Variants in ANKRD18B observed in about 807,000 individuals in gnomAD.
ANKRD18B encodes the protein ankyrin repeat domain-containing protein 18B.
Under a neutral mutation model 111.8 loss-of-function variants are expected in ANKRD18B, and 75 were observed. The observed-to-expected ratio is 0.67, with a 90% CI of 0.56 to 0.81. The LOEUF is 0.81. ANKRD18B is among the 40% of genes least tolerant of loss of function. ANKRD18B has a pLI of 0.00. For synonymous variants in ANKRD18B, 356 were observed against 417.3 expected (o/e 0.85, Z 1.79); for missense variants, 1,038 against 1,225.5 (o/e 0.85, Z 2.28).
At chr9:33,556,583 G>T (rs1828530500) in intron 13 of ANKRD18B, among the ~76,000 whole-genome samples, 1 of 152,164 alleles carries the variant, frequency 6.6e-6, no homozygotes, top group South Asian at 2.1e-4. Context: ...AAACAATAAT[G>T]ACAATGCTTT....
chr9:33,561,223 G>A (rs1201863013), intron 14 of ANKRD18B, among the ~76,000 whole-genome samples: 1 of 152,166 alleles, frequency 6.6e-6, no homozygotes, highest in African/African-American at 2.4e-5. Context: ...ATTGAACAAA[G>A]ATTTGGTCCT....
intron 3 of ANKRD18B, among the ~76,000 whole-genome samples, chr9:33,532,022 C>T (rs1016356985): frequency 6.6e-6 from 1 of 152,214 alleles, no homozygotes; most frequent in East Asian, 1.9e-4. Flanking sequence ...ATCACGAGGT[C>T]AGGAGATGGA....
rs765841785 is a variant in ANKRD18B, at chr9:33,558,166, G to A, written c.2439G>A (p.Leu813=). The A allele has an allele frequency of 8.7e-6, 14 of 1,609,354 alleles. No homozygotes were observed. Among genetic ancestry groups the A allele is most frequent in the Middle Eastern group, 1.7e-4 (1 of 6,050 alleles). ...CAGACCAACTGAAAATGGATATTCT[G>A]TTTAAGAAGCTAAAACAGAAGGTAA... ...LNTDQLKMDI[L]FKKLKQKFDD... Residue 813 remains leucine, a synonymous_variant, in exon 14 of 19, where the codon CTG becomes CTA. Transcript: ENST00000684830.
At chr9:33,533,286 G>A (rs1309850193) in intron 3 of ANKRD18B, among the ~76,000 whole-genome samples, 153 bp from the exon 4 acceptor site, 2 of 152,208 alleles carry the variant, frequency 1.3e-5, no homozygotes, top group African/African-American at 2.4e-5. Flanking sequence ...CAGTGTGTGG[G>A]AAAGCACAGA....
intron 3 of ANKRD18B, among the ~76,000 whole-genome samples, chr9:33,529,453 G>C (rs1273898303): frequency 1.3e-5 from 2 of 151,946 alleles, no homozygotes; most frequent in African/African-American, 4.8e-5. Context: ...TTTCTAATTA[G>C]TGTGAAAACA....
In ANKRD18B at chr9:33,536,875, T is replaced by C. The variant is rs550051460; in HGVS notation, c.741-3T>C. On this transcript the variant is annotated splice_region_variant and splice_polypyrimidine_tract_variant and intron_variant, in intron 5 of 18. Coordinates refer to ENST00000684830, the MANE Select transcript of ANKRD18B (RefSeq NM_001393611.1). ...CTAATTTTATTACATTTATTATGCA[T>C]AGCATCCAACAACAAATTTTGGAAC... 5 of 1,459,780 alleles carry C rather than the reference T, an allele frequency of 3.4e-6. No homozygotes were observed. In the East Asian group the frequency reaches 1.3e-4, roughly 38 times the overall value. The allele number at this position is 1,459,780 out of a possible 1,614,324, so 90.4% of individuals were successfully genotyped here. A position where few individuals can be genotyped will look rare whatever the true frequency, so the allele number is the denominator to read the frequency against.
intron 1 of ANKRD18B, among the ~76,000 whole-genome samples, chr9:33,527,109 T>C (rs188397830): frequency 6.6e-6 from 1 of 152,290 alleles, no homozygotes; most frequent in African/African-American, 2.4e-5. Context: ...CTCCCACCTT[T>C]CAAGCAAAAG....
At chr9:33,534,037 G>T (rs574891885) in intron 4 of ANKRD18B, among the ~76,000 whole-genome samples, 1 of 152,080 alleles carries the variant, frequency 6.6e-6, no homozygotes, top group South Asian at 2.1e-4. Flanking sequence ...GAAAGCAATG[G>T]GAAAATCTTC....
chr9:33,556,645 C>T (rs1828531541), intron 13 of ANKRD18B, among the ~76,000 whole-genome samples: 1 of 152,158 alleles, frequency 6.6e-6, no homozygotes, highest in Non-Finnish European at 1.5e-5. Context: ...ATTTTTATTT[C>T]TGAAGATATT....
downstream of ANKRD18B, among the ~76,000 whole-genome samples, chr9:33,574,177 CAGGTCAGTGGGAAAT>C (rs1828825580): frequency 1.1e-5 from 1 of 87,350 alleles, no homozygotes; most frequent in African/African-American, 3.6e-5. Flanking sequence ...CAGTGGGGAC[CAGGTCAGTGGGAAAT>C]TGGTCAGTGG....
At position 33,548,041 on chromosome 9, in the gene ANKRD18B, A is replaced by T. The variant is rs771393904; in HGVS notation, c.1253A>T (p.Asp418Val). The T allele has an allele frequency of 6.5e-7, 1 of 1,531,218 alleles. No homozygotes were observed. Among genetic ancestry groups the T allele is most frequent in the Non-Finnish European group, 8.8e-7 (1 of 1,140,860 alleles). 94.9% of individuals were successfully genotyped at this position (1,531,218 alleles called of 1,614,324 possible). ...GAGGAATTATATGCAATAAAAAATG[A>T]CAGTCTCAGAAAGGAAAAGAAATAT... ...LKEELYAIKN[D>V]SLRKEKKYIQ... The change falls in exon 11 of 19, where the codon GAC becomes GTC. Residue 418 changes from aspartate (D) to valine (V), a missense_variant. Asp to Val is a radical substitution (Grantham distance 152). This residue lies in a region of ANKRD18B where 205 missense variants were observed against 201.3 expected (regional missense o/e 1.02). Transcript: ENST00000684830.
intron 10 of ANKRD18B, among the ~76,000 whole-genome samples, chr9:33,545,273 T>A (rs1828337312): frequency 6.6e-6 from 1 of 152,076 alleles, no homozygotes; most frequent in African/African-American, 2.4e-5. Context: ...AGGAACCCAG[T>A]AGTTATGGCT....
intron 12 of ANKRD18B, among the ~76,000 whole-genome samples, chr9:33,553,636 CT>C (rs1828479300): frequency 2.0e-5 from 3 of 152,178 alleles, no homozygotes; most frequent in Non-Finnish European, 4.4e-5. Context: ...TTGACTGGAG[CT>C]TCCCAATGAC....
chr9:33,546,834 T>C (rs1828363527), intron 10 of ANKRD18B, among the ~76,000 whole-genome samples: 1 of 152,176 alleles, frequency 6.6e-6, no homozygotes. Flanking sequence ...AGTGGACAGC[T>C]ATACTGTGTA....
chr9:33,545,018 C>A (rs1385155938), intron 10 of ANKRD18B, among the ~76,000 whole-genome samples: 4 of 152,132 alleles, frequency 2.6e-5, no homozygotes, highest in African/African-American at 9.7e-5. Flanking sequence ...GCAGATGCAC[C>A]TGGAGTGTCT....
rs1828352402 is a variant in ANKRD18B, at chr9:33,546,161, A to G, written c.1150-1777A>G. ...TTTATTTAAATGATAAAATGGTAAT[A>G]CAGTGGGAGGAAAGCAATGACTGAG... On this transcript the variant is annotated intron_variant, in intron 10 of 18. Transcript: ENST00000684830. 2.0e-5 allele frequency among the ~76,000 whole-genome samples: 3 copies of G among 152,344 alleles called. No individual in the cohort carries two copies. In the South Asian group the frequency reaches 6.2e-4, roughly 32 times the overall value.
intron 11 of ANKRD18B, among the ~76,000 whole-genome samples, chr9:33,549,747 T>TA (rs1828419571): frequency 2.6e-5 from 4 of 152,202 alleles, no homozygotes; most frequent in African/African-American, 9.6e-5. Flanking sequence ...CTACTTGTTA[T>TA]AAAATCACAA....
At chr9:33,573,156 TC>T, downstream of ANKRD18B, 1 of 1,402,814 alleles carries the variant, frequency 7.1e-7, no homozygotes, top group Admixed American at 3.1e-5. Context: ...TGTTGTATTT[TC>T]TCTGCGGCAA....
At chr9:33,552,377 A>G (rs1413375705) in intron 12 of ANKRD18B, among the ~76,000 whole-genome samples, 1 of 152,222 alleles carries the variant, frequency 6.6e-6, no homozygotes, top group Admixed American at 6.5e-5. Context: ...GATGAAGGAC[A>G]GCACAGCTCC....
Sources: gnomAD v4.1 joint callset for allele counts (sites outside exome capture counted in the v4.1 genomes callset) on GRCh38, gnomAD v4.1.1 for gene constraint, gnomAD v4.1.1 regional missense constraint, MANE v1.5 for transcripts, NCBI Gene and HGNC (gene_info 2026-07-23, HGNC 2026-07-21) for gene names.